Variants in ARHGEF11 observed in about 807,000 individuals in gnomAD.
The protein encoded by ARHGEF11 is Rho guanine nucleotide exchange factor 11.
Under a neutral mutation model 193.7 loss-of-function variants are expected in ARHGEF11, and 55 were observed. That is an observed-to-expected ratio of 0.28 (90% CI 0.23 to 0.36). The LOEUF (loss-of-function observed/expected upper bound fraction) is 0.36, where lower values mean the gene tolerates loss of function less well. ARHGEF11 is among the 10% of genes least tolerant of loss of function. The probability of loss-of-function intolerance (pLI) is 1.00; values close to 1 mark genes in which losing one functional copy is unlikely to be tolerated. For missense variants in ARHGEF11, 1,723 were observed against 2,005.6 expected (o/e 0.86, Z 2.69); for synonymous variants, 693 against 768.0 (o/e 0.90, Z 1.62).
chr1:157,018,458 A>G (rs1669547042), intron 1 of ARHGEF11, among the ~76,000 whole-genome samples: 1 of 152,078 alleles, frequency 6.6e-6, no homozygotes. Context: ...CCTGGCTAAC[A>G]TGGTGAAACC....
intron 1 of ARHGEF11, among the ~76,000 whole-genome samples, chr1:157,002,529 T>C (rs141347257): frequency 6.6e-6 from 1 of 152,292 alleles, no homozygotes; most frequent in East Asian, 1.9e-4. Flanking sequence ...CCAATGATCC[T>C]TTCAGTAACT....
chr1:157,027,717 G>C (rs1030308364), intron 1 of ARHGEF11, among the ~76,000 whole-genome samples: 1 of 152,146 alleles, frequency 6.6e-6, no homozygotes, highest in Non-Finnish European at 1.5e-5. Context: ...CCATCAGGAG[G>C]TAGAGTCTAT....
intron 1 of ARHGEF11, among the ~76,000 whole-genome samples, chr1:157,013,973 G>A (rs756695585): frequency 6.6e-6 from 1 of 152,050 alleles, no homozygotes; most frequent in Non-Finnish European, 1.5e-5. Flanking sequence ...TCCCATTTTC[G>A]GGCTTTACTT....
chr1:156,959,154 G>A lies in ARHGEF11; in HGVS notation c.1283-12C>T. The stretch of plus-strand genomic sequence containing the variant: ...CCGCAGGCGCGAGTCTGTAGTGGGA[G>A]ATCAGAGAAAGCAGAGTGGATGGGG... On this transcript the variant is annotated splice_polypyrimidine_tract_variant and intron_variant, in intron 15 of 40. Coordinates refer to ENST00000368194, the MANE Select transcript of ARHGEF11 (RefSeq NM_198236.3). 2 of 1,612,990 alleles carry A rather than the reference G, an allele frequency of 1.2e-6. No individual in the cohort carries two copies. Among genetic ancestry groups the A allele is most frequent in the East Asian group, 2.2e-5 (1 of 44,846 alleles).
rs752188281 is a variant in ARHGEF11 at position 156,947,412 on chromosome 1, G to A, written c.2380C>T (p.Arg794Trp). 3.0e-5 allele frequency: 48 copies of A among 1,613,350 alleles called. No individual in the cohort carries two copies. The Admixed American group carries it at 5.5e-4, about 19-fold the overall frequency. Residue 794 changes from arginine to tryptophan, a missense_variant, in exon 26 of 41, where the codon CGG (arginine) becomes TGG (tryptophan). Arg to Trp is a moderately radical substitution (Grantham distance 101). Coordinates refer to ENST00000368194, the MANE Select transcript of ARHGEF11 (RefSeq NM_198236.3). ...VTEASHLRTL[R>W]VLDLIFYQRM... ...TGGTAGAAGATCAGGTCCAGGACCC[G>A]GAGTGTGCGCAGGTGGGAAGCTTCA...
chr1:156,960,567 CGCCTACATCT>C, intron 14 of ARHGEF11, 107 bp from the exon 15 acceptor site: 1 of 968,224 alleles, frequency 1.0e-6, no homozygotes. Context: ...CTTGCCTTTT[CGCCTACATCT>C]GCCTACCATC....
intron 7 of ARHGEF11, among the ~76,000 whole-genome samples, chr1:156,975,539 T>C (rs1479989579): frequency 6.6e-6 from 1 of 152,242 alleles, no homozygotes; most frequent in Non-Finnish European, 1.5e-5. Flanking sequence ...CTTTGACATA[T>C]ACAAGCTTTA....
Position 156,937,429 on chromosome 1 carries a change from G to A in ARHGEF11, c.4260C>T (p.Pro1420=), listed in dbSNP as rs750111428. ...PDSSTDHSEA[P]MSPPQPDSLP... is the part of the protein sequence containing the mutation. Reference sequence around the variant, plus strand: ...GGCTGTCAGGCTGAGGGGGGCTCATGGGTGCCTCTGAGTGGTCGGTGCTTG... The same window carrying A: ...GGCTGTCAGGCTGAGGGGGGCTCATAGGTGCCTCTGAGTGGTCGGTGCTTG... Residue 1420 remains proline (P), a synonymous_variant, in exon 39 of 41, where the codon CCC becomes CCT. Transcript: ENST00000368194. The A allele has an allele frequency of 6.3e-7, 1 of 1,578,230 alleles. No homozygotes were observed. The highest frequency in any genetic ancestry group is 8.6e-7 in the Non-Finnish European group (1 of 1,164,136).
chr1:156,936,498 ATATATATAT>A (rs1355606025), intron 40 of ARHGEF11, among the ~76,000 whole-genome samples: 17 of 35,432 alleles, frequency 4.8e-4, no homozygotes, highest in African/African-American at 1.9e-3. Context: ...AAAAAAAAAA[ATATATATAT>A]ATATATATAT....
upstream of ARHGEF11, among the ~76,000 whole-genome samples, chr1:157,045,798 G>T (rs529598165): frequency 6.6e-6 from 1 of 150,854 alleles, no homozygotes; most frequent in Admixed American, 6.6e-5. Context: ...TCGGTTCGCC[G>T]CTCGCTCGGG....
At chr1:156,960,025 T>G (rs1280951506) in intron 15 of ARHGEF11, among the ~76,000 whole-genome samples, 1 of 150,362 alleles carries the variant, frequency 6.7e-6, no homozygotes, top group Admixed American at 6.7e-5. Context: ...CTGTATTTTT[T>G]GAGTTCCCCA....
At chr1:156,990,114 T>C (rs927049450) in intron 1 of ARHGEF11, among the ~76,000 whole-genome samples, 1 of 152,242 alleles carries the variant, frequency 6.6e-6, no homozygotes, top group African/African-American at 2.4e-5. Flanking sequence ...TCTCGAATTA[T>C]ACTTACGTCC....
Position 156,948,291 on chromosome 1 carries a change from T to C in ARHGEF11, c.2105+28A>G. 3.1e-6 allele frequency: 5 copies of C among 1,611,126 alleles called. No individual in the cohort carries two copies. The highest frequency in any genetic ancestry group is 1.1e-5 in the South Asian group (1 of 91,002). On this transcript the variant is annotated intron_variant, in intron 23 of 40. Coordinates refer to ENST00000368194, the MANE Select transcript of ARHGEF11 (RefSeq NM_198236.3). The surrounding 1 kb of genome is among the most constrained non-coding windows in gnomAD (Gnocchi z 4.2). Reference sequence around the variant, plus strand: ...CTTGCCGCCACCCCTGAGATGTCCATGGGTGCAGCCGTTGTAGCCCTGCCC... The same window carrying C: ...CTTGCCGCCACCCCTGAGATGTCCACGGGTGCAGCCGTTGTAGCCCTGCCC...
rs765414307 is a variant in ARHGEF11 at position 156,947,971 on chromosome 1, G to A, written c.2154-15C>T. On this transcript the variant is annotated splice_polypyrimidine_tract_variant and intron_variant, in intron 24 of 40. Transcript: ENST00000368194. Reference sequence around the variant, plus strand: ...ACTCAATGCTCCTGGGGGAAAACAGGCAGCTCAGCTTCATTTAGGAGGAAG... The same window carrying A: ...ACTCAATGCTCCTGGGGGAAAACAGACAGCTCAGCTTCATTTAGGAGGAAG... 3.1e-6 allele frequency: 5 copies of A among 1,610,480 alleles called. No individual in the cohort carries two copies. The highest frequency in any genetic ancestry group is 3.3e-5 in the Admixed American group (2 of 59,870).
chr1:157,009,770 C>G (rs764286364), intron 1 of ARHGEF11, among the ~76,000 whole-genome samples: 1 of 152,192 alleles, frequency 6.6e-6, no homozygotes, highest in Non-Finnish European at 1.5e-5. Flanking sequence ...GCTGGAAACG[C>G]TGAAAGACAC....
At position 156,937,468 on chromosome 1, in the gene ARHGEF11, T is replaced by A. The variant is rs1473014645; in HGVS notation, c.4221A>T (p.Ser1407=). The change falls in exon 39 of 41, where the codon TCA becomes TCT. Residue 1407 remains serine (S), a synonymous_variant. Coordinates refer to ENST00000368194, the MANE Select transcript of ARHGEF11 (RefSeq NM_198236.3). Reference sequence around the variant, plus strand: ...GGTCGGTGCTTGAGTCCGGGGGTCCTGATGGCATGCTGACATAAAAGCAGT... The same window carrying A: ...GGTCGGTGCTTGAGTCCGGGGGTCCAGATGGCATGCTGACATAAAAGCAGT... ...TGNCFYVSMP[S]GPPDSSTDHS... is the part of the protein sequence containing the mutation. 6.5e-7 allele frequency: 1 copy of A among 1,533,596 alleles called. No homozygotes were observed. The highest frequency in any genetic ancestry group is 8.7e-7 in the Non-Finnish European group (1 of 1,143,490). The allele number at this position is 1,533,596 out of a possible 1,614,324, so 95.0% of individuals were successfully genotyped here.
chr1:156,984,934 G>A (rs1216579176), intron 2 of ARHGEF11, among the ~76,000 whole-genome samples: 1 of 151,560 alleles, frequency 6.6e-6, no homozygotes, highest in South Asian at 2.1e-4. Context: ...ACTTAGGAGT[G>A]GTCTCTTGCC....
intron 39 of ARHGEF11, 79 bp from the exon 40 acceptor site, chr1:156,937,084 T>C: frequency 6.4e-7 from 1 of 1,574,362 alleles, no homozygotes; most frequent in Non-Finnish European, 8.6e-7. Context: ...GTGCTGGGCC[T>C]TGGGGAGGAG....
chr1:156,935,904 G>A lies in ARHGEF11; in HGVS notation c.*96C>T, dbSNP rs1571094420. The A allele has an allele frequency of 7.4e-7, 1 of 1,359,394 alleles. No individual in the cohort carries two copies. The highest frequency in any genetic ancestry group is 1.0e-6 in the Non-Finnish European group (1 of 991,696). 84.2% of individuals were successfully genotyped at this position (1,359,394 alleles called of 1,614,324 possible). A position where few individuals can be genotyped will look rare whatever the true frequency, so the allele number is the denominator to read the frequency against. ...AGTTTCCCTAACTGCCTCCTCCACA[G>A]GGAGGAGTGTTGGGATCCCCCCTAC... On this transcript the variant is annotated 3_prime_UTR_variant, in exon 41 of 41. Coordinates refer to ENST00000368194, the MANE Select transcript of ARHGEF11 (RefSeq NM_198236.3).
Sources: gnomAD v4.1 joint callset for allele counts (sites outside exome capture counted in the v4.1 genomes callset) on GRCh38, gnomAD v4.1.1 for gene constraint, Gnocchi (gnomAD v3.1) non-coding constraint, MANE v1.5 for transcripts, NCBI Gene and HGNC (gene_info 2026-07-23, HGNC 2026-07-21) for gene names.